The following SCAI variants were observed in gnomAD, a reference collection of about 807,000 sequenced individuals.
The protein encoded by SCAI is protein SCAI.
In SCAI, 24 loss-of-function variants were observed where a neutral mutation model predicts 92.2. The observed-to-expected ratio is 0.26, with a 90% CI of 0.19 to 0.37. SCAI has a LOEUF of 0.37. Among genes scored for constraint, SCAI ranks in the 10% least tolerant of loss-of-function variants. The pLI is 1.00. For missense variants in SCAI, 450 were observed against 736.2 expected, an observed-to-expected ratio of 0.61 and a Z score of 4.50; for synonymous variants, 261 against 258.6, an observed-to-expected ratio of 1.01 and a Z score of -0.09.
chr9:125,122,518 G>C (rs1372357345), intron 2 of SCAI, among the ~76,000 whole-genome samples: 1 of 149,416 alleles, frequency 6.7e-6, no homozygotes, highest in Non-Finnish European at 1.5e-5. Flanking sequence ...GAACCCAGGA[G>C]GCAGAGGTTG....
chr9:125,045,256 G>C (rs929981414), intron 3 of SCAI, among the ~76,000 whole-genome samples: 2 of 152,102 alleles, frequency 1.3e-5, no homozygotes, highest in African/African-American at 4.8e-5. Flanking sequence ...AGTAGAGATG[G>C]GGTTTCGCCA....
intron 14 of SCAI, among the ~76,000 whole-genome samples, chr9:124,979,286 T>G (rs1403858706): frequency 6.6e-6 from 1 of 151,922 alleles, no homozygotes; most frequent in South Asian, 2.1e-4. Context: ...ATGCCTGTAA[T>G]CCCAGCACTT....
intron 14 of SCAI, among the ~76,000 whole-genome samples, chr9:124,984,763 G>A (rs1013487539): frequency 6.6e-6 from 1 of 152,184 alleles, no homozygotes; most frequent in Non-Finnish European, 1.5e-5. Context: ...TAATATTCAA[G>A]TTGAGTTTGA....
chr9:125,029,824 A>G (rs1833035638), intron 3 of SCAI, 85 bp from the exon 4 acceptor site: 1 of 724,124 alleles, frequency 1.4e-6, no homozygotes, highest in Non-Finnish European at 2.1e-6. Context: ...AACCAGACAG[A>G]TGAAAAATGC....
At chr9:125,138,243 T>C (rs1028197781) in intron 2 of SCAI, among the ~76,000 whole-genome samples, 7 of 148,196 alleles carry the variant, frequency 4.7e-5, no homozygotes, top group South Asian at 2.1e-4. Flanking sequence ...AGTCGAACTA[T>C]TATTTCTTTT....
At chr9:125,070,204 G>A (rs952841281) in intron 2 of SCAI, among the ~76,000 whole-genome samples, 13 of 152,042 alleles carry the variant, frequency 8.6e-5, no homozygotes, top group African/African-American at 3.1e-4. Flanking sequence ...TATATGTGAG[G>A]GGTGATGATG....
chr9:124,970,020 A>G (rs1218098807), intron 17 of SCAI, among the ~76,000 whole-genome samples: 1 of 151,898 alleles, frequency 6.6e-6, no homozygotes, highest in Non-Finnish European at 1.5e-5. Flanking sequence ...TGTCTGGCTA[A>G]TTTTTGTATT....
At chr9:124,960,749 CAG>C (rs1419829808) in intron 17 of SCAI, among the ~76,000 whole-genome samples, 1 of 152,178 alleles carries the variant, frequency 6.6e-6, no homozygotes, top group African/African-American at 2.4e-5. Context: ...TTAGGTTACA[CAG>C]ATGTATTTCC....
intron 2 of SCAI, among the ~76,000 whole-genome samples, chr9:125,064,562 T>A (rs1260311322): frequency 1.3e-5 from 2 of 152,254 alleles, no homozygotes; most frequent in South Asian, 2.1e-4. Flanking sequence ...AAAAAAATTC[T>A]CAGGTGGGTG....
intron 2 of SCAI, among the ~76,000 whole-genome samples, chr9:125,113,145 C>T (rs969012826): frequency 3.9e-5 from 6 of 152,114 alleles, no homozygotes; most frequent in Non-Finnish European, 7.3e-5. Flanking sequence ...GTATGAAAAG[C>T]GTGAATAAAG....
rs747043209 is a variant in SCAI at position 125,020,684 on chromosome 9, C to T, written c.598G>A (p.Asp200Asn). The change falls in exon 7 of 18, where the codon GAT becomes AAT. Residue 200 changes from aspartate to asparagine, a missense_variant. This residue lies in a region of SCAI where 360 missense variants were observed against 601.8 expected (regional missense o/e 0.60). Coordinates refer to ENST00000336505, the MANE Select transcript of SCAI (RefSeq NM_001144877.3). ...LLLNKMDVVK[D>N]LVKELSDEIE... ...TAAAGTGTATTTACCTTTACCAGAT[C>T]CTTTACAACATCCATTTTGTTGAGA... The T allele has an allele frequency of 1.5e-5, 21 of 1,437,708 alleles. No individual in the cohort carries two copies. The highest frequency in any genetic ancestry group is 2.9e-5 in the African/African-American group (2 of 69,858). 89.1% of individuals were successfully genotyped at this position (1,437,708 alleles called of 1,614,324 possible). A position where few individuals can be genotyped will look rare whatever the true frequency, so the allele number is the denominator to read the frequency against.
At chr9:125,070,371 T>C (rs1455477645) in intron 2 of SCAI, among the ~76,000 whole-genome samples, 1 of 151,108 alleles carries the variant, frequency 6.6e-6, no homozygotes, top group Non-Finnish European at 1.5e-5. Context: ...TCATGAATTA[T>C]ACACAAATTA....
intron 17 of SCAI, among the ~76,000 whole-genome samples, chr9:124,961,729 C>T (rs1831439967): frequency 6.6e-6 from 1 of 151,620 alleles, no homozygotes; most frequent in Non-Finnish European, 1.5e-5. Context: ...TCAAATATAG[C>T]TGACCCCTGA....
chr9:125,027,677 C>T lies in SCAI; in HGVS notation c.413+715G>A, dbSNP rs536576020. On this transcript the variant is annotated intron_variant, in intron 5 of 17. Coordinates refer to ENST00000336505, the MANE Select transcript of SCAI (RefSeq NM_001144877.3). ...CTGGGATTACAGGCACCTGCCACCA[C>T]ACTTGGCTAATTTTTTTGTCTTTTT... Among the ~76,000 whole-genome samples the T allele has an allele frequency of 2.3e-3, 349 of 152,240 alleles. 11 individuals are homozygous for T. In the South Asian group the frequency reaches 0.038, roughly 16 times the overall value.
chr9:125,076,689 G>A (rs546483370), intron 2 of SCAI, among the ~76,000 whole-genome samples: 3 of 152,050 alleles, frequency 2.0e-5, no homozygotes, highest in East Asian at 1.9e-4. Flanking sequence ...ACATCATGGC[G>A]AAACACCATT....
intron 2 of SCAI, among the ~76,000 whole-genome samples, chr9:125,084,011 A>G (rs759855067): frequency 7.2e-5 from 11 of 152,064 alleles, no homozygotes; most frequent in Non-Finnish European, 1.5e-4. Context: ...TTCCAGGTAG[A>G]GGAACAAGTA....
chr9:125,073,374 G>T (rs1342505255), intron 2 of SCAI, among the ~76,000 whole-genome samples: 2 of 151,956 alleles, frequency 1.3e-5, no homozygotes, highest in African/African-American at 4.8e-5. Flanking sequence ...AAAGTGCTGG[G>T]ATTACAGGCG....
In SCAI at chr9:124,950,664, A is replaced by G. The variant is rs72765205; in HGVS notation, c.*2143T>C. On this transcript the variant is annotated 3_prime_UTR_variant, in exon 18 of 18. Transcript: ENST00000336505. ...AAAGGAAAGCAGTCTTTACCTGAAA[A>G]TGAAAACCCACTAGCAAAGGAAATC... The G allele has an allele frequency of 1.6e-4, 24 of 152,348 alleles. No homozygotes were observed. Among genetic ancestry groups the G allele is most frequent in the Non-Finnish European group, 2.9e-4 (20 of 68,036 alleles). 9.4% of individuals were successfully genotyped at this position (152,348 alleles called of 1,614,324 possible).
intron 2 of SCAI, among the ~76,000 whole-genome samples, chr9:125,100,190 TG>T: frequency 6.6e-6 from 1 of 152,226 alleles, no homozygotes; most frequent in Non-Finnish European, 1.5e-5. Context: ...TCTCTTGTGG[TG>T]ATTGCCAACA....
Sources: gnomAD v4.1 joint callset for allele counts (sites outside exome capture counted in the v4.1 genomes callset) on GRCh38, gnomAD v4.1.1 for gene constraint, gnomAD v4.1.1 regional missense constraint, MANE v1.5 for transcripts, NCBI Gene and HGNC (gene_info 2026-07-23, HGNC 2026-07-21) for gene names.